Variants in ZNF609 observed in about 807,000 individuals in gnomAD.
ZNF609 encodes zinc finger protein 609.
A neutral mutation model predicts 109.5 loss-of-function variants in ZNF609; 11 were observed. The observed-to-expected ratio is 0.10, with a 90% CI of 0.06 to 0.17. ZNF609 has a LOEUF of 0.17. ZNF609 is among the 10% of genes least tolerant of loss of function. The pLI, the probability that ZNF609 is intolerant of heterozygous loss-of-function variation, is 1.00. For missense variants in ZNF609, 1,559 were observed against 1,772.4 expected, an observed-to-expected ratio of 0.88 and a Z score of 2.16; for synonymous variants, 646 against 662.0, an observed-to-expected ratio of 0.98 and a Z score of 0.37.
chr15:64,677,575 C>G (rs142221158), intron 5 of ZNF609, among the ~76,000 whole-genome samples: 7 of 152,232 alleles, frequency 4.6e-5, no homozygotes, highest in Middle Eastern at 3.4e-3. Context: ...AAAGTATACT[C>G]AGTTACTGAG....
chr15:64,483,573 A>G (rs1308760551), intron 1 of ZNF609, among the ~76,000 whole-genome samples: 4 of 151,810 alleles, frequency 2.6e-5, no homozygotes, highest in African/African-American at 4.8e-5. Flanking sequence ...TTTAGTAGAG[A>G]CAAGGTCTGG....
At chr15:64,588,408 A>G (rs1413976694) in intron 2 of ZNF609, among the ~76,000 whole-genome samples, 1 of 75,778 alleles carries the variant, frequency 1.3e-5, no homozygotes, top group East Asian at 3.9e-4. Context: ...AGCCTGCGTA[A>G]CAGAGCGACA....
chr15:64,496,862 G>A (rs1241311654), intron 1 of ZNF609, among the ~76,000 whole-genome samples: 4 of 151,608 alleles, frequency 2.6e-5, no homozygotes, highest in Non-Finnish European at 5.9e-5. Flanking sequence ...CACCCAGGCT[G>A]GAGTGAAGTG....
At chr15:64,527,413 T>C (rs2140368976) in intron 2 of ZNF609, among the ~76,000 whole-genome samples, 2 of 151,782 alleles carry the variant, frequency 1.3e-5, no homozygotes, top group Middle Eastern at 6.8e-3. Context: ...ATTCTCAGTG[T>C]TAAGACCAGC....
Position 64,511,868 on chromosome 15 carries a change from C to T in ZNF609, c.747+11702C>T, listed in dbSNP as rs1319790765. Among the ~76,000 whole-genome samples the T allele has an allele frequency of 3.3e-5, 5 of 152,050 alleles. No individual in the cohort carries two copies. The South Asian group carries it at 1.0e-3, about 32-fold the overall frequency. ...TAGCTGGGATTACAGGCACACTCCA[C>T]CACGCCCAGCTAATTTTTGTATTTT... On this transcript the variant is annotated intron_variant, in intron 2 of 9. Transcript: ENST00000326648.
At chr15:64,463,448 G>A (rs542079643) in intron 1 of ZNF609, among the ~76,000 whole-genome samples, 7 of 151,996 alleles carry the variant, frequency 4.6e-5, no homozygotes, top group Admixed American at 4.6e-4. Context: ...TTTCCATTTA[G>A]GACATTAAAT....
chr15:64,466,116 CAAAAAAAAAAAA>C (rs749648623), intron 1 of ZNF609, among the ~76,000 whole-genome samples: 1 of 81,884 alleles, frequency 1.2e-5, no homozygotes, highest in African/African-American at 5.0e-5. Flanking sequence ...AACCCTGTCT[CAAAAAAAAAAAA>C]AAAAAAAAAA....
chr15:64,566,165 A>G (rs1894774888), intron 2 of ZNF609, among the ~76,000 whole-genome samples: 1 of 152,020 alleles, frequency 6.6e-6, no homozygotes, highest in African/African-American at 2.4e-5. Flanking sequence ...GAGGTATTTT[A>G]TTTTAGATGC....
chr15:64,639,326 G>A (rs892140914), intron 3 of ZNF609, among the ~76,000 whole-genome samples: 3 of 152,184 alleles, frequency 2.0e-5, no homozygotes, highest in Admixed American at 6.5e-5. Context: ...CTGGGCTGCT[G>A]TAACAATGTA....
At chr15:64,642,165 A>G in intron 3 of ZNF609, among the ~76,000 whole-genome samples, 1 of 152,142 alleles carries the variant, frequency 6.6e-6, no homozygotes, top group East Asian at 1.9e-4. Flanking sequence ...TGGAGCTAAA[A>G]TACAGGTTTT....
intron 3 of ZNF609, among the ~76,000 whole-genome samples, chr15:64,624,852 C>G (rs987141447): frequency 6.4e-4 from 97 of 150,988 alleles, no homozygotes; most frequent in African/African-American, 2.3e-3. Flanking sequence ...CTCTGCCTCC[C>G]AGGTTCAAGC....
intron 3 of ZNF609, among the ~76,000 whole-genome samples, chr15:64,667,466 T>G (rs1416224124): frequency 6.6e-6 from 1 of 152,122 alleles, no homozygotes; most frequent in Non-Finnish European, 1.5e-5. Flanking sequence ...CCCAACACTT[T>G]GGGAGTCTGA....
intron 3 of ZNF609, among the ~76,000 whole-genome samples, chr15:64,647,894 T>G (rs745324370): frequency 7.4e-4 from 112 of 152,220 alleles, no homozygotes; most frequent in Non-Finnish European, 1.3e-3. Flanking sequence ...CTTGCTGCAT[T>G]TTGCCTACTT....
intron 1 of ZNF609, chr15:64,471,354 G>A (rs1893088274): frequency 6.8e-6 from 1 of 146,170 alleles, no homozygotes; most frequent in South Asian, 2.2e-4. Context: ...GAGCAAAATT[G>A]TGTCTTTAAA....
intron 3 of ZNF609, among the ~76,000 whole-genome samples, chr15:64,653,595 G>A (rs1033193331): frequency 2.6e-5 from 4 of 152,062 alleles, no homozygotes; most frequent in Non-Finnish European, 4.4e-5. Flanking sequence ...GCAGTGAGCT[G>A]AGATCGTGCC....
At chr15:64,472,479 G>A (rs1312401199) in intron 1 of ZNF609, among the ~76,000 whole-genome samples, 2 of 152,158 alleles carry the variant, frequency 1.3e-5, no homozygotes, top group African/African-American at 4.8e-5. Flanking sequence ...GTGGTCTTGG[G>A]ATATTATCAG....
intron 2 of ZNF609, among the ~76,000 whole-genome samples, chr15:64,560,040 C>T (rs1471808616): frequency 6.6e-6 from 1 of 152,094 alleles, no homozygotes; most frequent in Admixed American, 6.6e-5. Context: ...TACCACCCTT[C>T]CTCTTGTCTC....
chr15:64,675,727 C>T lies in ZNF609; in HGVS notation c.2873C>T (p.Pro958Leu), dbSNP rs763563710. The change falls in exon 5 of 10, where the codon CCC becomes CTC. Residue 958 changes from proline (P) to leucine (L), a missense_variant. By Grantham distance (98) the Pro-to-Leu change is moderately conservative (BLOSUM62 -3). This residue lies in a region of ZNF609 where 1,204 missense variants were observed against 1,314.1 expected (regional missense o/e 0.92). Transcript: ENST00000326648. Reference protein sequence around the residue: ...KPELSSSSQQPSVIQQRPNMY... With the variant: ...KPELSSSSQQLSVIQQRPNMY... ...GAGCTGAGCAGTTCCAGTCAGCAGCCCTCGGTCATCCAGCAGCGTCCCAAT... is the reference window on the plus strand; with the variant it reads ...GAGCTGAGCAGTTCCAGTCAGCAGCTCTCGGTCATCCAGCAGCGTCCCAAT... The T allele has an allele frequency of 7.4e-6, 12 of 1,614,024 alleles. No homozygotes were observed. Among genetic ancestry groups the T allele is most frequent in the Admixed American group, 6.7e-5 (4 of 60,008 alleles).
intron 2 of ZNF609, among the ~76,000 whole-genome samples, chr15:64,611,608 A>G (rs2140961066): frequency 6.6e-6 from 1 of 152,342 alleles, no homozygotes; most frequent in South Asian, 2.1e-4. Flanking sequence ...TATAGGGATC[A>G]CTGCAGGAGA....
Sources: allele counts gnomAD v4.1 joint callset (sites outside exome capture counted in the v4.1 genomes callset), GRCh38; gene constraint gnomAD v4.1.1; regional missense constraint gnomAD v4.1.1; transcripts MANE v1.5; gene names NCBI Gene and HGNC (gene_info 2026-07-23, HGNC 2026-07-21).